TMEM232: variants seen among roughly 807,000 people sequenced by gnomAD.
The protein encoded by TMEM232 is transmembrane protein 232.
Under a neutral mutation model 78.8 loss-of-function variants are expected in TMEM232, and 80 were observed. That is an observed-to-expected ratio of 1.01 (90% CI 0.85 to 1.22). TMEM232 has a LOEUF of 1.22. Ranked by LOEUF, TMEM232 falls within the 50% of genes most tolerant of loss-of-function variation. The pLI is 0.00. For synonymous variants in TMEM232, 297 were observed against 254.3 expected (o/e 1.17, Z -1.60); for missense variants, 881 against 742.2 (o/e 1.19, Z -2.17).
chr5:110,665,910 A>C (rs1015539125), intron 2 of TMEM232, among the ~76,000 whole-genome samples: 4 of 150,498 alleles, frequency 2.7e-5, no homozygotes, highest in Non-Finnish European at 4.4e-5. Flanking sequence ...AAAAAAAAAA[A>C]AACTAAAAAT....
chr5:110,445,949 T>A lies in TMEM232; in HGVS notation c.1704-21033A>T, dbSNP rs567220113. ...TGGTATCTCATCACTTCTGCCATAT[T>A]CTATTCATTAGAAATGAATCACTAA... On this transcript the variant is annotated intron_variant, in intron 12 of 13. Coordinates refer to ENST00000455884, the MANE Select transcript of TMEM232 (RefSeq NM_001039763.4). 7.5e-4 allele frequency among the ~76,000 whole-genome samples: 114 copies of A among 152,260 alleles called. 1 individual carries two copies. The highest frequency in any genetic ancestry group is 2.2e-3 in the African/African-American group (93 of 41,568).
chr5:110,733,072 A>C (rs969171254), intron 2 of TMEM232, among the ~76,000 whole-genome samples: 1 of 152,236 alleles, frequency 6.6e-6, no homozygotes, highest in Non-Finnish European at 1.5e-5. Flanking sequence ...ATATGAAAAA[A>C]AGCTCAACAT....
At chr5:110,707,003 A>G (rs1795991547) in intron 1 of TMEM232, among the ~76,000 whole-genome samples, 2 of 152,212 alleles carry the variant, frequency 1.3e-5, no homozygotes, top group African/African-American at 2.4e-5. Flanking sequence ...TATAGTCTTC[A>G]AAGTCCTCCC....
intron 1 of TMEM232, among the ~76,000 whole-genome samples, chr5:110,674,079 T>C (rs1482515038): frequency 1.3e-5 from 2 of 151,876 alleles, no homozygotes; most frequent in Non-Finnish European, 2.9e-5. Context: ...AATGTAAGCA[T>C]TTAATTTTTA....
intron 12 of TMEM232, among the ~76,000 whole-genome samples, chr5:110,439,664 G>T (rs183215134): frequency 1.3e-5 from 2 of 151,942 alleles, no homozygotes; most frequent in Non-Finnish European, 2.9e-5. Context: ...TTCAGGTGTC[G>T]CTTTCAGATT....
At chr5:110,416,010 A>T (rs1756195227), downstream of TMEM232, among the ~76,000 whole-genome samples, 1 of 152,228 alleles carries the variant, frequency 6.6e-6, no homozygotes, top group African/African-American at 2.4e-5. Flanking sequence ...AAAAATAACA[A>T]GCCAAATTAT....
intron 2 of TMEM232, among the ~76,000 whole-genome samples, chr5:110,649,738 T>C (rs574479662): frequency 8.5e-5 from 13 of 152,254 alleles, no homozygotes; most frequent in African/African-American, 2.9e-4. Context: ...CATTCATTTT[T>C]ATAATGCCTA....
At chr5:110,457,980 A>G (rs1173312787) in intron 12 of TMEM232, among the ~76,000 whole-genome samples, 1 of 152,130 alleles carries the variant, frequency 6.6e-6, no homozygotes, top group Non-Finnish European at 1.5e-5. Context: ...CTTATAATGT[A>G]TTTAATTAAA....
intron 2 of TMEM232, among the ~76,000 whole-genome samples, chr5:110,650,117 T>C (rs9885538): frequency 0.79 from 119,343 of 151,826 alleles, 48,564 homozygotes; most frequent in East Asian, 0.93. Context: ...ATGTTGTAGG[T>C]ATTTCTATCT....
chr5:110,689,451 C>T (rs1165262810), intron 1 of TMEM232, among the ~76,000 whole-genome samples: 2 of 151,996 alleles, frequency 1.3e-5, no homozygotes, highest in African/African-American at 4.8e-5. Flanking sequence ...ACACAAAACA[C>T]TAATATTCAA....
At chr5:110,731,215 G>A (rs1798649542), upstream of TMEM232, among the ~76,000 whole-genome samples, 1 of 152,234 alleles carries the variant, frequency 6.6e-6, no homozygotes. Flanking sequence ...CACCCCTGTG[G>A]CTGTGCAGGT....
At chr5:110,697,908 A>G (rs967955047) in intron 1 of TMEM232, among the ~76,000 whole-genome samples, 4 of 152,266 alleles carry the variant, frequency 2.6e-5, no homozygotes, top group South Asian at 2.1e-4. Context: ...AACTAGAAAT[A>G]CCATTTGACC....
At chr5:110,532,729 A>C (rs140643194) in intron 11 of TMEM232, among the ~76,000 whole-genome samples, 4,499 of 151,714 alleles carry the variant, frequency 0.03, 73 homozygotes, top group African/African-American at 0.048. Context: ...CCACCTTAAC[A>C]CACAAGTATA....
intron 12 of TMEM232, among the ~76,000 whole-genome samples, chr5:110,479,390 A>C (rs561785138): frequency 1.3e-5 from 2 of 151,806 alleles, no homozygotes; most frequent in East Asian, 1.9e-4. Flanking sequence ...ATTAAACAAC[A>C]ACCAGATAAG....
intron 1 of TMEM232, chr5:110,725,690 G>GTGCT (rs1394505646): frequency 6.6e-6 from 1 of 152,148 alleles, no homozygotes; most frequent in Admixed American, 6.5e-5. Flanking sequence ...GTCTGCCTGG[G>GTGCT]TGCTTGGCAG....
intron 2 of TMEM232, among the ~76,000 whole-genome samples, chr5:110,660,763 A>G (rs1368591107): frequency 6.6e-6 from 1 of 152,212 alleles, no homozygotes; most frequent in East Asian, 1.9e-4. Flanking sequence ...ACAAACATAT[A>G]ATGTTTAATG....
intron 5 of TMEM232, chr5:110,629,034 CAT>C (rs909034145): frequency 5.9e-5 from 9 of 151,650 alleles, no homozygotes; most frequent in African/African-American, 2.2e-4. Context: ...GTAAAAATAA[CAT>C]GTTTATAAGG....
At chr5:110,613,077 T>C (rs557707710) in intron 8 of TMEM232, among the ~76,000 whole-genome samples, 2 of 152,270 alleles carry the variant, frequency 1.3e-5, no homozygotes, top group South Asian at 4.1e-4. Flanking sequence ...CCTTTTTCTT[T>C]ACTTCATTGG....
At chr5:110,433,301 A>C (rs1758061703) in intron 12 of TMEM232, among the ~76,000 whole-genome samples, 1 of 151,804 alleles carries the variant, frequency 6.6e-6, no homozygotes, top group South Asian at 2.1e-4. Flanking sequence ...AGTGGAATAA[A>C]AATATAAGTC....
Sources: gnomAD v4.1 joint callset for allele counts (sites outside exome capture counted in the v4.1 genomes callset) on GRCh38, gnomAD v4.1.1 for gene constraint, MANE v1.5 for transcripts, NCBI Gene and HGNC (gene_info 2026-07-23, HGNC 2026-07-21) for gene names.